RAPGEF1: variants seen among roughly 807,000 people sequenced by gnomAD.
The protein encoded by RAPGEF1 is Rap guanine nucleotide exchange factor 1.
RAPGEF1 carries 33 observed loss-of-function variants against 143.3 expected under a neutral mutation model. The ratio of observed to expected loss-of-function variants is 0.23; its 90% confidence interval spans 0.17 to 0.31. The LOEUF (loss-of-function observed/expected upper bound fraction) is 0.31, where lower values mean the gene tolerates loss of function less well. Ranked by LOEUF, RAPGEF1 falls within the 10% of genes least tolerant of loss-of-function variation. RAPGEF1 has a pLI of 1.00. For synonymous variants in RAPGEF1, 629 were observed against 676.5 expected, an observed-to-expected ratio of 0.93 and a Z score of 1.09; for missense variants, 1,199 against 1,645.4, an observed-to-expected ratio of 0.73 and a Z score of 4.69.
At chr9:131,658,655 G>GGCCCT (rs1973164155) in intron 1 of RAPGEF1, among the ~76,000 whole-genome samples, 1 of 152,154 alleles carries the variant, frequency 6.6e-6, no homozygotes, top group South Asian at 2.1e-4. Flanking sequence ...CTTCTCTACC[G>GGCCCT]AGAGAGAAAG....
chr9:131,653,929 T>C (rs766185849), intron 1 of RAPGEF1, among the ~76,000 whole-genome samples: 11 of 152,252 alleles, frequency 7.2e-5, no homozygotes, highest in Non-Finnish European at 1.3e-4. Context: ...ATCCATACAA[T>C]GGAATATTAT....
chr9:131,648,675 A>G (rs943999610), intron 3 of RAPGEF1, among the ~76,000 whole-genome samples: 2 of 152,262 alleles, frequency 1.3e-5, no homozygotes, highest in African/African-American at 4.8e-5. Flanking sequence ...TCTGGAATTT[A>G]GATCAATCTG....
At chr9:131,665,699 C>T (rs1485814694) in intron 1 of RAPGEF1, among the ~76,000 whole-genome samples, 6 of 152,148 alleles carry the variant, frequency 3.9e-5, no homozygotes, top group East Asian at 1.9e-4. Context: ...GCCTGTTCTC[C>T]GATGTCCCCC....
intron 1 of RAPGEF1, among the ~76,000 whole-genome samples, chr9:131,699,942 C>A (rs1187958020): frequency 1.3e-5 from 2 of 152,266 alleles, no homozygotes; most frequent in East Asian, 1.9e-4. Flanking sequence ...TTTTTATACT[C>A]CAGATTTTAA....
In RAPGEF1 at chr9:131,582,597, C is replaced by G; in HGVS notation, c.3512+8G>C. ...CGGGGCTGGGGGCCTGGAGGGGCTGCTACTCACAGGTACGGGATGCACGGC... is the reference window on the plus strand; with the variant it reads ...CGGGGCTGGGGGCCTGGAGGGGCTGGTACTCACAGGTACGGGATGCACGGC... On this transcript the variant is annotated splice_region_variant and intron_variant, in intron 25 of 26. Transcript: ENST00000683357. The G allele has an allele frequency of 6.7e-7, 1 of 1,502,816 alleles. No individual in the cohort carries two copies. The highest frequency in any genetic ancestry group is 2.6e-5 in the Admixed American group (1 of 38,272). 93.1% of individuals were successfully genotyped at this position (1,502,816 alleles called of 1,614,324 possible). A position where few individuals can be genotyped will look rare whatever the true frequency, so the allele number is the denominator to read the frequency against.
chr9:131,672,968 A>G (rs981342495), intron 1 of RAPGEF1, among the ~76,000 whole-genome samples: 3 of 152,198 alleles, frequency 2.0e-5, no homozygotes, highest in Non-Finnish European at 2.9e-5. Flanking sequence ...AGTGACAGAC[A>G]TAAGAACCAG....
intron 1 of RAPGEF1, among the ~76,000 whole-genome samples, chr9:131,670,839 A>G (rs1831267146): frequency 6.6e-6 from 1 of 152,242 alleles, no homozygotes; most frequent in Non-Finnish European, 1.5e-5. Context: ...TTGGCAAGAA[A>G]GCGGAGAAGG....
At chr9:131,629,616 C>A (rs763808263) in intron 6 of RAPGEF1, among the ~76,000 whole-genome samples, 29 of 152,138 alleles carry the variant, frequency 1.9e-4, no homozygotes, top group Non-Finnish European at 3.5e-4. Flanking sequence ...GATGGTGAAA[C>A]CCTGTCTCTA....
chr9:131,689,060 T>A (rs1589015499), intron 1 of RAPGEF1, among the ~76,000 whole-genome samples: 1 of 152,238 alleles, frequency 6.6e-6, no homozygotes, highest in African/African-American at 2.4e-5. Flanking sequence ...AAGAGTCATC[T>A]TTTTGGAAGG....
intron 13 of RAPGEF1, 80 bp downstream of exon 13, chr9:131,604,851 C>T (rs557828994): frequency 1.1e-4 from 139 of 1,215,994 alleles, no homozygotes; most frequent in East Asian, 1.8e-4. Flanking sequence ...AACGTGAAAC[C>T]GCTTTTTAAA....
chr9:131,688,004 C>A (rs916802572), intron 1 of RAPGEF1, among the ~76,000 whole-genome samples: 2 of 152,028 alleles, frequency 1.3e-5, no homozygotes, highest in African/African-American at 4.8e-5. Context: ...GGAGGCTTCC[C>A]GGAACCTCTG....
At chr9:131,722,054 G>T (rs1039639339) in intron 1 of RAPGEF1, among the ~76,000 whole-genome samples, 27 of 152,234 alleles carry the variant, frequency 1.8e-4, no homozygotes, top group East Asian at 1.9e-4. Context: ...TGTTTCCTGA[G>T]AAACATTAAA....
rs147354663 is a variant in RAPGEF1, at chr9:131,684,709, G to A, written c.62-33760C>T. On this transcript the variant is annotated intron_variant, in intron 1 of 26. Transcript: ENST00000683357. The stretch of plus-strand genomic sequence containing the variant: ...TGGAGAGATCCGATAACAAAAAGTT[G>A]GGAAATAGGTAAAATAATAACTTGG... 4.6e-5 allele frequency among the ~76,000 whole-genome samples: 7 copies of A among 152,310 alleles called. No individual in the cohort carries two copies. In the East Asian group the frequency reaches 7.7e-4, roughly 17 times the overall value.
chr9:131,604,151 C>A (rs550360269), intron 13 of RAPGEF1, 98 bp from the exon 14 acceptor site: 1 of 702,570 alleles, frequency 1.4e-6, no homozygotes, highest in Non-Finnish European at 2.2e-6. Flanking sequence ...CTCTGGTCTT[C>A]CCAGGTGCAG....
intron 5 of RAPGEF1, among the ~76,000 whole-genome samples, chr9:131,634,435 G>A (rs1343043010): frequency 6.6e-6 from 1 of 151,824 alleles, no homozygotes; most frequent in East Asian, 1.9e-4. Context: ...ATCATAGGTC[G>A]GGCGCGGTGG....
rs149268184 is a variant in RAPGEF1, at chr9:131,655,147, G to A, written c.62-4198C>T. 3.5e-4 allele frequency among the ~76,000 whole-genome samples: 53 copies of A among 152,262 alleles called. No homozygotes were observed. Among genetic ancestry groups the A allele is most frequent in the Non-Finnish European group, 5.7e-4 (39 of 68,014 alleles). On this transcript the variant is annotated intron_variant, in intron 1 of 26. Coordinates refer to ENST00000683357, the MANE Select transcript of RAPGEF1 (RefSeq NM_001377935.1). The surrounding 1 kb of genome is among the most constrained non-coding windows in gnomAD (Gnocchi z 4.1). ...AGTTCCCTTGCTAAAGACCTTCCAG[G>A]TGGCCAGGCAGGATCAGATAAACTA...
At chr9:131,733,326 T>A (rs1837202580) in intron 1 of RAPGEF1, among the ~76,000 whole-genome samples, 1 of 128,116 alleles carries the variant, frequency 7.8e-6, no homozygotes, top group Non-Finnish European at 1.6e-5. Flanking sequence ...TCAGCACATG[T>A]ATTCCAGAAC....
rs146785666 is a variant in RAPGEF1, at chr9:131,606,743, G to A, written c.2062-1555C>T. Among the ~76,000 whole-genome samples the A allele has an allele frequency of 4.7e-4, 71 of 152,222 alleles. 3 individuals are homozygous for A. In the East Asian group the frequency reaches 0.012, roughly 25 times the overall value. On this transcript the variant is annotated intron_variant, in intron 12 of 26. Coordinates refer to ENST00000683357, the MANE Select transcript of RAPGEF1 (RefSeq NM_001377935.1). The stretch of plus-strand genomic sequence containing the variant: ...GGCTTAAACAATCCTCCCACCTCGG[G>A]TTCCTGAGTAGCTGGGACCACAGGT...
In RAPGEF1 at chr9:131,619,072, G is replaced by T. The variant is rs568159840; in HGVS notation, c.2040C>A (p.His680Gln). 2.2e-5 allele frequency: 30 copies of T among 1,359,246 alleles called. No homozygotes were observed. The highest frequency in any genetic ancestry group is 1.4e-5 in the Non-Finnish European group (14 of 1,018,988). The allele number at this position is 1,359,246 out of a possible 1,614,324, so 84.2% of individuals were successfully genotyped here. A position where few individuals can be genotyped will look rare whatever the true frequency, so the allele number is the denominator to read the frequency against. The change falls in exon 12 of 27, where the codon CAC (histidine) becomes CAA (glutamine). Residue 680 changes from histidine to glutamine, a missense_variant. By Grantham distance (24) the His-to-Gln change is conservative (BLOSUM62 0). This residue lies in a region of RAPGEF1 where 293 missense variants were observed against 356.2 expected (regional missense o/e 0.82). Transcript: ENST00000683357. The stretch of plus-strand genomic sequence containing the variant: ...TCACCGAGGGCACGGGCAAGCTGCC[G>T]TGCCGGCTGAGAAAGGAGTTAGAGA... ...VSVSNSFLSR[H>Q]GSLPVPSYKS...
Sources: allele counts gnomAD v4.1 joint callset (sites outside exome capture counted in the v4.1 genomes callset), GRCh38; gene constraint gnomAD v4.1.1; regional missense constraint gnomAD v4.1.1; non-coding constraint Gnocchi (gnomAD v3.1); transcripts MANE v1.5; gene names NCBI Gene and HGNC (gene_info 2026-07-23, HGNC 2026-07-21).